Variants in CSMD2 observed in about 807,000 individuals in gnomAD.
CSMD2 encodes CUB and Sushi multiple domains 2.
In CSMD2, 130 loss-of-function variants were observed where a neutral mutation model predicts 398.5. The observed-to-expected ratio is 0.33, with a 90% confidence interval of 0.28 to 0.38. The LOEUF (loss-of-function observed/expected upper bound fraction) is 0.38. CSMD2 is among the 10% of genes least tolerant of loss of function. The pLI is 1.00. For missense variants in CSMD2, 3,829 were observed against 4,764.9 expected (o/e 0.80, Z 5.78); for synonymous variants, 1,828 against 1,908.5 (o/e 0.96, Z 1.10).
intron 6 of CSMD2, among the ~76,000 whole-genome samples, chr1:33,832,615 T>A (rs1049207055): frequency 2.0e-4 from 30 of 147,608 alleles, no homozygotes; most frequent in African/African-American, 6.3e-4. Flanking sequence ...GCAAACATAT[T>A]CAAAAGCTAG....
At chr1:34,122,451 T>C (rs922601147) in intron 1 of CSMD2, among the ~76,000 whole-genome samples, 1 of 152,058 alleles carries the variant, frequency 6.6e-6, no homozygotes, top group Admixed American at 6.5e-5. Flanking sequence ...TGTCTTTTCT[T>C]ACCCTCAAGC....
intron 5 of CSMD2, among the ~76,000 whole-genome samples, chr1:33,909,692 T>C (rs1643341156): frequency 6.6e-6 from 1 of 152,162 alleles, no homozygotes; most frequent in Non-Finnish European, 1.5e-5. Flanking sequence ...TGAAAGACGA[T>C]GCTGGTGCTC....
intron 12 of CSMD2, among the ~76,000 whole-genome samples, chr1:33,785,575 C>G (rs1447725024): frequency 1.3e-5 from 2 of 152,188 alleles, no homozygotes. Context: ...TAATGTCTTT[C>G]AAGCCAGTGG....
At chr1:33,709,855 T>C (rs1372008075) in intron 21 of CSMD2, among the ~76,000 whole-genome samples, 1 of 152,068 alleles carries the variant, frequency 6.6e-6, no homozygotes, top group Non-Finnish European at 1.5e-5. Flanking sequence ...ACTCAACCAC[T>C]GAGACCAAGC....
At chr1:34,132,290 G>A (rs1040962747) in intron 1 of CSMD2, among the ~76,000 whole-genome samples, 13 of 151,620 alleles carry the variant, frequency 8.6e-5, no homozygotes, top group African/African-American at 1.2e-4. Flanking sequence ...ATAAAGCCCC[G>A]ATTCACTCTT....
chr1:33,590,294 A>ATTTTTTTTTTTTTTTT (rs56252015), intron 44 of CSMD2, among the ~76,000 whole-genome samples: 1 of 73,862 alleles, frequency 1.4e-5, no homozygotes, highest in Non-Finnish European at 2.5e-5. Context: ...GCTAATTAAA[A>ATTTTTTTTTTTTTTTT]TTTTTTTTTT....
chr1:34,148,741 G>A (rs1013363128), intron 1 of CSMD2, among the ~76,000 whole-genome samples: 13 of 152,178 alleles, frequency 8.5e-5, no homozygotes, highest in Non-Finnish European at 1.6e-4. Flanking sequence ...GAAAACTGAG[G>A]CCAAGAATGA....
Position 33,626,520 on chromosome 1 carries a change from G to A in CSMD2, c.5262C>T (p.Leu1754=), listed in dbSNP as rs1356656862. 9.9e-6 allele frequency: 16 copies of A among 1,609,092 alleles called. No homozygotes were observed. Among genetic ancestry groups the A allele is most frequent in the Non-Finnish European group, 1.4e-5 (16 of 1,178,162 alleles). ...CAAAGTGGAAGCCTCTGGCTGGTGC[G>A]AGGCCTTTGGCGCTGAACTTAATGA... ...QVLIKFSAKG[L]APARGFHFVY... is the part of the protein sequence containing the mutation. Residue 1754 remains leucine (L), a synonymous_variant, in exon 33 of 71, where the codon CTC becomes CTT. Coordinates refer to ENST00000373381, the MANE Select transcript of CSMD2 (RefSeq NM_001281956.2).
chr1:33,588,633 T>C (rs1460785928), intron 44 of CSMD2, among the ~76,000 whole-genome samples: 3 of 152,224 alleles, frequency 2.0e-5, no homozygotes, highest in African/African-American at 7.2e-5. Context: ...ACCATTATGT[T>C]AGAGAAGTTA....
rs528835451 is a variant in CSMD2 at position 34,164,425 on chromosome 1, G to C, written c.187+486C>G. Among the ~76,000 whole-genome samples the C allele has an allele frequency of 6.6e-6, 1 of 152,168 alleles. No homozygotes were observed. The highest frequency in any genetic ancestry group is 2.1e-4 in the South Asian group (1 of 4,816). ...GGTTTCAATTGGAGAAAATGGGCGG[G>C]GGCAGGGAAGGGCAGACCTTGCAGA... On this transcript the variant is annotated intron_variant, in intron 1 of 70. Coordinates refer to ENST00000373381, the MANE Select transcript of CSMD2 (RefSeq NM_001281956.2). The surrounding 1 kb of genome is among the most constrained non-coding windows in gnomAD (Gnocchi z 6.2).
intron 25 of CSMD2, among the ~76,000 whole-genome samples, chr1:33,677,104 A>G (rs1222966331): frequency 6.6e-6 from 1 of 152,228 alleles, no homozygotes; most frequent in Non-Finnish European, 1.5e-5. Flanking sequence ...GCCAAAATTG[A>G]CAAATGGGAT....
At chr1:33,787,651 T>A (rs1653695492) in intron 12 of CSMD2, among the ~76,000 whole-genome samples, 1 of 152,150 alleles carries the variant, frequency 6.6e-6, no homozygotes, top group South Asian at 2.1e-4. Context: ...AGACTTGATG[T>A]GTCTGTCCCC....
chr1:33,603,286 T>G (rs1640355193), intron 42 of CSMD2, among the ~76,000 whole-genome samples: 1 of 152,172 alleles, frequency 6.6e-6, no homozygotes, highest in South Asian at 2.1e-4. Flanking sequence ...TTAGTCTCAC[T>G]GATTTAGGCC....
chr1:33,631,018 A>C (rs1271559856), intron 32 of CSMD2, among the ~76,000 whole-genome samples: 1 of 152,166 alleles, frequency 6.6e-6, no homozygotes, highest in African/African-American at 2.4e-5. Flanking sequence ...AATAATCAGA[A>C]GAAAAATATG....
At chr1:33,756,221 T>C (rs1389149868) in intron 13 of CSMD2, among the ~76,000 whole-genome samples, 3 of 152,152 alleles carry the variant, frequency 2.0e-5, no homozygotes, top group Non-Finnish European at 4.4e-5. Flanking sequence ...AACTCCTAAG[T>C]GTATGCCTGC....
chr1:33,671,523 G>A (rs1644497276), intron 25 of CSMD2, among the ~76,000 whole-genome samples: 1 of 147,768 alleles, frequency 6.8e-6, no homozygotes, highest in African/African-American at 2.5e-5. Flanking sequence ...CCCTGTTCAA[G>A]TCTGAGATCT....
At chr1:33,592,361 CAAGA>C in intron 44 of CSMD2, 1 of 715,092 alleles carries the variant, frequency 1.4e-6, no homozygotes, top group Non-Finnish European at 2.6e-6. Context: ...TTCAACTTCC[CAAGA>C]GAGAACATCT....
intron 3 of CSMD2, among the ~76,000 whole-genome samples, chr1:34,019,878 C>T (rs530194466): frequency 1.3e-5 from 2 of 152,314 alleles, no homozygotes; most frequent in African/African-American, 4.8e-5. Context: ...GCTCAAATGC[C>T]TTTGCTCTTT....
At chr1:33,659,660 T>C (rs536351788) in intron 26 of CSMD2, among the ~76,000 whole-genome samples, 11 of 152,364 alleles carry the variant, frequency 7.2e-5, no homozygotes, top group African/African-American at 2.6e-4. Context: ...ACACCCATTC[T>C]CTTCTGCTAT....
Sources: gnomAD v4.1 joint callset for allele counts (sites outside exome capture counted in the v4.1 genomes callset) on GRCh38, gnomAD v4.1.1 for gene constraint, Gnocchi (gnomAD v3.1) non-coding constraint, MANE v1.5 for transcripts, NCBI Gene and HGNC (gene_info 2026-07-23, HGNC 2026-07-21) for gene names.